PRMT3: variants seen among roughly 807,000 people sequenced by gnomAD.
The protein encoded by PRMT3 is protein arginine N-methyltransferase 3.
PRMT3 carries 62 observed loss-of-function variants against 71.9 expected under a neutral mutation model. The ratio of observed to expected loss-of-function variants is 0.86; its 90% CI spans 0.70 to 1.07. The LOEUF is 1.07. Ranked by LOEUF, PRMT3 falls within the 50% of genes least tolerant of loss-of-function variation. The pLI is 0.00. For synonymous variants in PRMT3, 213 were observed against 220.4 expected, an observed-to-expected ratio of 0.97 and a Z score of 0.30; for missense variants, 663 against 643.0, an observed-to-expected ratio of 1.03 and a Z score of -0.34.
intron 11 of PRMT3, among the ~76,000 whole-genome samples, chr11:20,461,743 T>C (rs1250963817): frequency 3.3e-5 from 5 of 152,206 alleles, no homozygotes; most frequent in African/African-American, 1.2e-4. Context: ...CCTATTTTAA[T>C]TCAAACCCTA....
At chr11:20,487,049 T>TC (rs1199327577) in intron 13 of PRMT3, among the ~76,000 whole-genome samples, 2 of 99,268 alleles carry the variant, frequency 2.0e-5, no homozygotes, top group Non-Finnish European at 4.6e-5. Context: ...AGAGTGAGAC[T>TC]CCATCTCAAG....
intron 10 of PRMT3, among the ~76,000 whole-genome samples, chr11:20,434,724 C>G (rs184247795): frequency 6.6e-6 from 1 of 152,134 alleles, no homozygotes; most frequent in Non-Finnish European, 1.5e-5. Flanking sequence ...GTCCGCTGTT[C>G]TGTTCCATTG....
intron 11 of PRMT3, among the ~76,000 whole-genome samples, chr11:20,454,812 A>T (rs548046898): frequency 6.6e-6 from 1 of 152,200 alleles, no homozygotes; most frequent in East Asian, 1.9e-4. Context: ...TGGGACCACA[A>T]TTTATTTTTA....
intron 13 of PRMT3, among the ~76,000 whole-genome samples, chr11:20,491,861 C>T (rs1029674570): frequency 2.0e-5 from 3 of 152,156 alleles, no homozygotes; most frequent in African/African-American, 7.2e-5. Context: ...TCTTTTCTAG[C>T]TCTCTCCTCT....
chr11:20,413,197 T>C (rs1022815716), intron 9 of PRMT3, among the ~76,000 whole-genome samples: 27 of 152,178 alleles, frequency 1.8e-4, no homozygotes, highest in African/African-American at 5.8e-4. Context: ...AGTGTTCTTA[T>C]GTGTCTCTCC....
intron 12 of PRMT3, among the ~76,000 whole-genome samples, chr11:20,462,594 A>T (rs934066567): frequency 1.3e-5 from 2 of 152,148 alleles, no homozygotes; most frequent in African/African-American, 2.4e-5. Flanking sequence ...CAGCGTTTTC[A>T]GATTAAGTAA....
chr11:20,441,268 TTTATTTATTTA>T (rs1849891519), intron 10 of PRMT3, among the ~76,000 whole-genome samples: 1 of 2,710 alleles, frequency 3.7e-4, no homozygotes, highest in Admixed American at 3.8e-3. Flanking sequence ...TAACTTTTTA[TTTATTTATTTA>T]TTTATTTATT....
At chr11:20,500,258 G>T (rs535079622) in intron 15 of PRMT3, among the ~76,000 whole-genome samples, 1 of 152,144 alleles carries the variant, frequency 6.6e-6, no homozygotes, top group East Asian at 1.9e-4. Context: ...AGAAATTAAA[G>T]AAAACTTAAA....
At chr11:20,463,429 A>G (rs959436741) in intron 12 of PRMT3, among the ~76,000 whole-genome samples, 4 of 152,140 alleles carry the variant, frequency 2.6e-5, no homozygotes, top group Non-Finnish European at 4.4e-5. Context: ...ACTAAGCCTT[A>G]AAGTTGAGCA....
intron 15 of PRMT3, among the ~76,000 whole-genome samples, chr11:20,504,743 A>AGC (rs1851548104): frequency 6.9e-6 from 1 of 145,596 alleles, no homozygotes; most frequent in Non-Finnish European, 1.5e-5. Context: ...AGAGAGAGAG[A>AGC]GAGCGAGAGC....
intron 13 of PRMT3, among the ~76,000 whole-genome samples, chr11:20,491,394 T>C (rs1003201064): frequency 6.7e-6 from 1 of 149,370 alleles, no homozygotes; most frequent in African/African-American, 2.6e-5. Flanking sequence ...AATTTGAGAT[T>C]GCACCTTAGA....
chr11:20,462,702 T>G (rs1850413914), intron 12 of PRMT3, among the ~76,000 whole-genome samples: 1 of 152,182 alleles, frequency 6.6e-6, no homozygotes, highest in Non-Finnish European at 1.5e-5. Context: ...TTTTGCCATG[T>G]TAATCTCTGG....
At chr11:20,405,699 T>C (rs1849054590) in intron 8 of PRMT3, 1 of 152,220 alleles carries the variant, frequency 6.6e-6, no homozygotes, top group African/African-American at 2.4e-5. Context: ...CATACTCTTA[T>C]TGGAATATAC....
At chr11:20,498,713 G>GA (rs1255137909) in intron 15 of PRMT3, among the ~76,000 whole-genome samples, 1 of 152,170 alleles carries the variant, frequency 6.6e-6, no homozygotes, top group African/African-American at 2.4e-5. Context: ...CTGGGCAACA[G>GA]AGCAAGACTC....
At chr11:20,450,817 C>T (rs1850131167) in intron 10 of PRMT3, among the ~76,000 whole-genome samples, 1 of 151,858 alleles carries the variant, frequency 6.6e-6, no homozygotes. Flanking sequence ...TCTAGAGAAA[C>T]CTTTAAAATG....
rs539933607 is a variant in PRMT3 at position 20,397,436 on chromosome 11, T to C, written c.561-141T>C. ...TGCTTCAGATCCAGCAGGGGGAGCT[T>C]TCAGTTGTTCAAGATAGAATGTGAT... On this transcript the variant is annotated intron_variant, in intron 6 of 15. Coordinates refer to ENST00000331079, the MANE Select transcript of PRMT3 (RefSeq NM_005788.4). 5.1e-6 allele frequency: 4 copies of C among 778,244 alleles called. No homozygotes were observed. In the African/African-American group the frequency reaches 6.9e-5, roughly 14 times the overall value. 48.2% of individuals were successfully genotyped at this position (778,244 alleles called of 1,614,324 possible).
rs1052795154 is a variant in PRMT3, at chr11:20,389,789, G to A, written c.210G>A (p.Glu70=). 4 of 1,612,452 alleles carry A rather than the reference G, an allele frequency of 2.5e-6. No homozygotes were observed. Among genetic ancestry groups the A allele is most frequent in the Middle Eastern group, 1.7e-4 (1 of 6,056 alleles). Residue 70 remains glutamate, a synonymous_variant, in exon 3 of 16, where the codon GAG becomes GAA. Coordinates refer to ENST00000331079, the MANE Select transcript of PRMT3 (RefSeq NM_005788.4). ...AAACATTTTCACACTGTAAGTCTGA[G>A]CATCAGTTTAATATTGACAGCATGG... ...AEETFSHCKS[E]HQFNIDSMVH...
chr11:20,464,470 G>A lies in PRMT3; in HGVS notation c.1271G>A (p.Cys424Tyr). 1 of 1,587,818 alleles carries A rather than the reference G, an allele frequency of 6.3e-7. No homozygotes were observed. Among genetic ancestry groups the A allele is most frequent in the Non-Finnish European group, 8.6e-7 (1 of 1,165,972 alleles). Residue 424 changes from cysteine to tyrosine, a missense_variant, in exon 13 of 16, where the codon TGC (cysteine) becomes TAC (tyrosine). By Grantham distance (194) the Cys-to-Tyr change is radical. Coordinates refer to ENST00000331079, the MANE Select transcript of PRMT3 (RefSeq NM_005788.4). ...CTTTTTAATGGGTAGCATATAGATT[G>A]CCATACGACGTCTATCTCAGATTTG... is the stretch of plus-strand genomic sequence containing the variant. Reference protein sequence around the residue: ...SEPCGIKHIDCHTTSISDLEF... With the variant: ...SEPCGIKHIDYHTTSISDLEF...
At chr11:20,481,302 G>A (rs1487186940) in intron 13 of PRMT3, among the ~76,000 whole-genome samples, 2 of 151,088 alleles carry the variant, frequency 1.3e-5, no homozygotes, top group Non-Finnish European at 2.9e-5. Flanking sequence ...GGTCTCAGTA[G>A]TACAGATGAT....
Sources: gnomAD v4.1 joint callset for allele counts (sites outside exome capture counted in the v4.1 genomes callset) on GRCh38, gnomAD v4.1.1 for gene constraint, MANE v1.5 for transcripts, NCBI Gene and HGNC (gene_info 2026-07-23, HGNC 2026-07-21) for gene names.